CAVIN4: variants seen among roughly 807,000 people sequenced by gnomAD.
CAVIN4 encodes the protein caveolae associated protein 4.
CAVIN4 carries 10 observed loss-of-function variants against 18.6 expected under a neutral mutation model. That is an observed-to-expected ratio of 0.54 (90% confidence interval 0.33 to 0.91). The LOEUF (loss-of-function observed/expected upper bound fraction) is 0.91, where lower values mean the gene tolerates loss of function less well. Ranked by LOEUF, CAVIN4 falls within the 40% of genes least tolerant of loss-of-function variation. The pLI is 0.02. For missense variants in CAVIN4, 459 were observed against 440.5 expected, an observed-to-expected ratio of 1.04 and a Z score of -0.38; for synonymous variants, 173 against 164.8, an observed-to-expected ratio of 1.05 and a Z score of -0.38.
At chr9:100,583,739 C>G (rs1256572588) in intron 1 of CAVIN4, among the ~76,000 whole-genome samples, 1 of 151,620 alleles carries the variant, frequency 6.6e-6, no homozygotes, top group African/African-American at 2.4e-5. Context: ...CTCCGCCTCC[C>G]GGGTTCAAGT....
intron 1 of CAVIN4, among the ~76,000 whole-genome samples, chr9:100,585,446 C>T (rs1839465945): frequency 6.6e-6 from 1 of 152,164 alleles, no homozygotes; most frequent in Admixed American, 6.5e-5. Context: ...ACTGTGTAAC[C>T]TCAAACTGTG....
At chr9:100,576,985 C>CA (rs1464082879), upstream of CAVIN4, 4 of 157,488 alleles carry the variant, frequency 2.5e-5, no homozygotes, top group South Asian at 1.9e-4. Context: ...ACTTTTCTTA[C>CA]AAAAAAAATC....
upstream of CAVIN4, chr9:100,577,702 T>A (rs1839376788): frequency 1.3e-5 from 2 of 154,606 alleles, no homozygotes; most frequent in South Asian, 4.0e-4. Flanking sequence ...ATATTTAATA[T>A]GTGAAATTAG....
In CAVIN4 at chr9:100,585,687, A is replaced by C; in HGVS notation, c.409-78A>C. On this transcript the variant is annotated intron_variant, in intron 1 of 1. Transcript: ENST00000307584. ...GATAAACAGCCCATGGAGATTTACA[A>C]GGCATGGCCAGAAGGTAAAAGAGCT... is the stretch of plus-strand genomic sequence containing the variant. 12 of 1,098,458 alleles carry C rather than the reference A, an allele frequency of 1.1e-5. No homozygotes were observed. The South Asian group carries it at 1.6e-4, about 14-fold the overall frequency. 68.0% of individuals were successfully genotyped at this position (1,098,458 alleles called of 1,614,324 possible).
chr9:100,578,303 A>G lies in CAVIN4; in HGVS notation c.160A>G (p.Ile54Val), dbSNP rs1164330091. The G allele has an allele frequency of 1.9e-6, 3 of 1,613,978 alleles. No homozygotes were observed. The highest frequency in any genetic ancestry group is 2.5e-6 in the Non-Finnish European group (3 of 1,179,994). ...CAGTGTGCAGGCAAGCCAGAAGAGAATAGAAGAGAGACACAGGGAAATGGA... is the reference window on the plus strand; with the variant it reads ...CAGTGTGCAGGCAAGCCAGAAGAGAGTAGAAGAGAGACACAGGGAAATGGA... ...VDSVQASQKR[I>V]EERHREMENA... The change falls in exon 1 of 2, where the codon ATA becomes GTA. Residue 54 changes from isoleucine to valine, a missense_variant. Physicochemically the swap from Ile to Val is conservative, Grantham distance 29 (BLOSUM62 3). Coordinates refer to ENST00000307584, the MANE Select transcript of CAVIN4 (RefSeq NM_001018116.2).
At chr9:100,583,057 G>A (rs1839443807) in intron 1 of CAVIN4, among the ~76,000 whole-genome samples, 1 of 152,124 alleles carries the variant, frequency 6.6e-6, no homozygotes, top group African/African-American at 2.4e-5. Context: ...AAGGAATTCT[G>A]AGTAAAACAG....
chr9:100,578,099 A>G lies in CAVIN4; in HGVS notation c.-45A>G, dbSNP rs1839385081. ...AAGCTGACTTTTTGCTCCAAGTGCC[A>G]GAATTGATTGTGGTTAGGACATCTT... On this transcript the variant is annotated 5_prime_UTR_variant, in exon 1 of 2. Transcript: ENST00000307584. The G allele has an allele frequency of 3.7e-6, 6 of 1,607,286 alleles. No homozygotes were observed. The highest frequency in any genetic ancestry group is 5.1e-6 in the Non-Finnish European group (6 of 1,176,034).
chr9:100,577,562 A>C (rs1007626932), upstream of CAVIN4: 1 of 152,408 alleles, frequency 6.6e-6, no homozygotes, highest in South Asian at 2.1e-4. Flanking sequence ...TGTAGAATTT[A>C]AAGAATATGT....
At chr9:100,582,630 G>A (rs947095119) in intron 1 of CAVIN4, among the ~76,000 whole-genome samples, 3 of 152,084 alleles carry the variant, frequency 2.0e-5, no homozygotes, top group Non-Finnish European at 4.4e-5. Context: ...ACTGCACCCA[G>A]CCCCTCCCTT....
chr9:100,585,741 T>C (rs777299069), intron 1 of CAVIN4, 24 bp from the exon 2 acceptor site: 2 of 1,593,910 alleles, frequency 1.3e-6, no homozygotes, highest in Non-Finnish European at 1.7e-6. Context: ...AGCACTAATA[T>C]GCTTTGTTTT....
At chr9:100,583,885 T>TC (rs1365516410) in intron 1 of CAVIN4, among the ~76,000 whole-genome samples, 1 of 152,212 alleles carries the variant, frequency 6.6e-6, no homozygotes, top group Non-Finnish European at 1.5e-5. Context: ...CCTCAGGTGA[T>TC]CCCCCTGCCT....
rs973562969 is a variant in CAVIN4 at position 100,588,081 on chromosome 9, A to T, written c.*1630A>T. Reference sequence around the variant, plus strand: ...GTTTTTGGATAATCATATGGTAGTTAAAATAATAAGTGTACACATATACAC... The same window carrying T: ...GTTTTTGGATAATCATATGGTAGTTTAAATAATAAGTGTACACATATACAC... On this transcript the variant is annotated 3_prime_UTR_variant, in exon 2 of 2. Transcript: ENST00000307584. 6.6e-6 allele frequency among the ~76,000 whole-genome samples: 1 copy of T among 152,204 alleles called. No individual in the cohort carries two copies. Among genetic ancestry groups the T allele is most frequent in the Admixed American group, 6.5e-5 (1 of 15,282 alleles).
chr9:100,586,676 T>C lies in CAVIN4; in HGVS notation c.*225T>C. 2.7e-6 allele frequency: 1 copy of C among 375,264 alleles called. No homozygotes were observed. The highest frequency in any genetic ancestry group is 4.7e-6 in the Non-Finnish European group (1 of 211,050). The allele number at this position is 375,264 out of a possible 1,614,324, so 23.2% of individuals were successfully genotyped here. ...TCCACCAGAAAAATAGTTTCCTAGG[T>C]TGGGCCAGTTACGTGTTTGGTAAGG... On this transcript the variant is annotated 3_prime_UTR_variant, in exon 2 of 2. Transcript: ENST00000307584.
intron 1 of CAVIN4, among the ~76,000 whole-genome samples, chr9:100,585,409 AT>A (rs1165869533): frequency 1.3e-5 from 2 of 152,188 alleles, no homozygotes; most frequent in African/African-American, 4.8e-5. Flanking sequence ...ATGGGCCTTG[AT>A]TTTTAGACTT....
intron 1 of CAVIN4, among the ~76,000 whole-genome samples, chr9:100,584,277 A>G (rs1839456460): frequency 6.6e-6 from 1 of 152,150 alleles, no homozygotes. Flanking sequence ...AACATGCTAT[A>G]TAGATTTTAC....
rs1330992853 is a variant in CAVIN4, at chr9:100,585,911, C to T, written c.555C>T (p.Ala185=). The T allele has an allele frequency of 6.2e-7, 1 of 1,614,076 alleles. No individual in the cohort carries two copies. The highest frequency in any genetic ancestry group is 8.5e-7 in the Non-Finnish European group (1 of 1,180,026). Residue 185 remains alanine, a synonymous_variant, in exon 2 of 2, where the codon GCC becomes GCT. Transcript: ENST00000307584. ...ATTATGTTGAAGAAAGCAGATCTGC[C>T]AGGCTTAGGAAGTCAGGCAAGGAGC... ...EEYYVEESRS[A]RLRKSGKEHI...
At position 100,578,436 on chromosome 9, in the gene CAVIN4, C is replaced by A. The variant is rs1284654256; in HGVS notation, c.293C>A (p.Ala98Asp). 1 of 1,614,078 alleles carries A rather than the reference C, an allele frequency of 6.2e-7. No individual in the cohort carries two copies. The highest frequency in any genetic ancestry group is 8.5e-7 in the Non-Finnish European group (1 of 1,179,974). ...KLFEKTRKVS[A>D]HIKDVKARVE... ...TTTGAGAAAACCCGAAAAGTTAGTG[C>A]TCACATTAAAGATGTGAAAGCCCGG... The change falls in exon 1 of 2, where the codon GCT becomes GAT. Residue 98 changes from alanine to aspartate, a missense_variant. Ala to Asp is a moderately radical substitution (Grantham distance 126). Coordinates refer to ENST00000307584, the MANE Select transcript of CAVIN4 (RefSeq NM_001018116.2).
intron 1 of CAVIN4, among the ~76,000 whole-genome samples, chr9:100,580,267 G>A (rs774046358): frequency 1.3e-5 from 2 of 151,990 alleles, no homozygotes; most frequent in Non-Finnish European, 1.5e-5. Flanking sequence ...GCACTCCAGC[G>A]TGGGTGATAG....
At position 100,586,954 on chromosome 9, in the gene CAVIN4, C is replaced by CT. The variant is rs1324358218; in HGVS notation, c.*505dup. 1 of 153,416 alleles carries CT rather than the reference C, an allele frequency of 6.5e-6. No individual in the cohort carries two copies. The highest frequency in any genetic ancestry group is 6.5e-5 in the Admixed American group (1 of 15,346). The allele number at this position is 153,416 out of a possible 1,614,324, so 9.5% of individuals were successfully genotyped here. On this transcript the variant is annotated 3_prime_UTR_variant, in exon 2 of 2. Coordinates refer to ENST00000307584, the MANE Select transcript of CAVIN4 (RefSeq NM_001018116.2). ...AAGAAAACCCTGGGCAAGTCATCTG[C>CT]TTATTCTCATCAGTAAAAATGGAGA...
Sources: allele counts gnomAD v4.1 joint callset (sites outside exome capture counted in the v4.1 genomes callset), GRCh38; gene constraint gnomAD v4.1.1; transcripts MANE v1.5; gene names NCBI Gene and HGNC (gene_info 2026-07-23, HGNC 2026-07-21).